Variants in ZC3H12B observed in about 807,000 individuals in gnomAD.
ZC3H12B encodes probable ribonuclease ZC3H12B.
Under a neutral mutation model 43.9 loss-of-function variants are expected in ZC3H12B, and 7 were observed. The ratio of observed to expected loss-of-function variants is 0.16; its 90% CI spans 0.09 to 0.30. The LOEUF is 0.30. Ranked by LOEUF, ZC3H12B falls within the 10% of genes least tolerant of loss-of-function variation. The pLI is 1.00. For synonymous variants in ZC3H12B, 222 were observed against 241.7 expected, an observed-to-expected ratio of 0.92 and a Z score of 0.76; for missense variants, 475 against 670.2, an observed-to-expected ratio of 0.71 and a Z score of 3.22.
the ZC3H12B span, among the ~76,000 whole-genome samples, chrX:65,041,503 T>C: frequency 1.8e-5 from 2 of 112,213 alleles, no homozygotes; most frequent in East Asian, 5.6e-4. Context: ...ATTAACTGTA[T>C]TGGGCTGTTT....
the ZC3H12B span, among the ~76,000 whole-genome samples, chrX:65,336,990 G>A: frequency 3.6e-5 from 4 of 112,308 alleles, no homozygotes; most frequent in Admixed American, 9.4e-5. Context: ...GAGAAGGGGG[G>A]CCTCCACCCC....
intron 4 of ZC3H12B, 75 bp downstream of exon 9, chrX:65,500,064 G>C (rs987461680): frequency 3.6e-6 from 3 of 837,186 alleles, no homozygotes; most frequent in Non-Finnish European, 1.7e-6. Flanking sequence ...TTCTCTTCCA[G>C]GTTTCCCTTT....
At chrX:65,036,810 GA>G in the ZC3H12B span, among the ~76,000 whole-genome samples, 1 of 109,930 alleles carries the variant, frequency 9.1e-6, no homozygotes, top group Non-Finnish European at 1.9e-5. Context: ...CATACTTAGA[GA>G]ACCCTGCAGT....
the ZC3H12B span, among the ~76,000 whole-genome samples, chrX:65,207,598 A>G: frequency 9.1e-6 from 1 of 109,725 alleles, no homozygotes; most frequent in Non-Finnish European, 1.9e-5. Flanking sequence ...ACTTTTGAGA[A>G]GTCAGGTAGT....
the ZC3H12B span, among the ~76,000 whole-genome samples, chrX:65,079,018 C>A: frequency 8.9e-6 from 1 of 111,869 alleles, no homozygotes; most frequent in African/African-American, 3.3e-5. Context: ...TCCCCAAAAA[C>A]CCCTACTACC....
At chrX:65,108,248 C>A in the ZC3H12B span, among the ~76,000 whole-genome samples, 9 of 110,873 alleles carry the variant, frequency 8.1e-5, no homozygotes, top group African/African-American at 2.9e-4. Flanking sequence ...AATAAATTAA[C>A]CTTTGCTTAC....
the ZC3H12B span, among the ~76,000 whole-genome samples, chrX:65,211,261 G>C: frequency 9.2e-6 from 1 of 108,875 alleles, no homozygotes; most frequent in Non-Finnish European, 1.9e-5. Context: ...TAGGTTGCCT[G>C]TTCACTCAGA....
intron 1 of ZC3H12B, among the ~76,000 whole-genome samples, chrX:65,491,212 C>T (rs1016080868): frequency 3.6e-5 from 4 of 111,705 alleles, no homozygotes; most frequent in Admixed American, 1.9e-4. Context: ...GATTCTTTTA[C>T]GTATGTGAAT....
chrX:65,093,927 GACCTGTA>G, the ZC3H12B span, among the ~76,000 whole-genome samples: 1 of 111,058 alleles, frequency 9.0e-6, no homozygotes, highest in Non-Finnish European at 1.9e-5. Context: ...GTATGGTTTG[GACCTGTA>G]TCCCCACCCA....
At chrX:65,263,446 G>T in the ZC3H12B span, among the ~76,000 whole-genome samples, 3 of 110,439 alleles carry the variant, frequency 2.7e-5, no homozygotes, top group African/African-American at 9.8e-5. Context: ...CAAACAGCAT[G>T]AAAAAAGTCT....
the ZC3H12B span, among the ~76,000 whole-genome samples, chrX:65,282,306 A>G: frequency 9.0e-6 from 1 of 111,183 alleles, no homozygotes; most frequent in African/African-American, 3.3e-5. Flanking sequence ...AACCAACAAA[A>G]AAAAGAAAAC....
chrX:65,262,955 T>G, the ZC3H12B span, among the ~76,000 whole-genome samples: 2 of 110,818 alleles, frequency 1.8e-5, no homozygotes, highest in African/African-American at 6.5e-5. Flanking sequence ...CTACATAGTT[T>G]GTAAAATATT....
chrX:65,462,790 C>A (rs1421918360), intron 3 of ZC3H12B, among the ~76,000 whole-genome samples: 1 of 112,048 alleles, frequency 8.9e-6, no homozygotes, highest in Non-Finnish European at 1.9e-5. Flanking sequence ...GAAAACACAT[C>A]ATTCTACCAA....
the ZC3H12B span, among the ~76,000 whole-genome samples, chrX:65,215,998 G>T: frequency 9.0e-6 from 1 of 111,652 alleles, no homozygotes; most frequent in Admixed American, 9.5e-5. Context: ...TGCCACATAT[G>T]GGTGTGGTTT....
chrX:65,484,867 C>G (rs1033659849), upstream of ZC3H12B, among the ~76,000 whole-genome samples: 8 of 111,653 alleles, frequency 7.2e-5, no homozygotes, highest in Non-Finnish European at 1.3e-4. Context: ...GGAAAATTTC[C>G]CTATGCAAAC....
chrX:65,468,042 GAA>G (rs894498069), intron 3 of ZC3H12B, among the ~76,000 whole-genome samples: 1 of 112,000 alleles, frequency 8.9e-6, no homozygotes, highest in Non-Finnish European at 1.9e-5. Flanking sequence ...CCAATGTCCA[GAA>G]GTATTTTTCC....
the ZC3H12B span, among the ~76,000 whole-genome samples, chrX:65,311,110 C>A: frequency 1.8e-5 from 2 of 111,673 alleles, no homozygotes; most frequent in East Asian, 5.6e-4. Flanking sequence ...TCTAAAACAC[C>A]AAAAGCAATG....
chrX:65,457,086 G>C (rs1416893943), intron 3 of ZC3H12B, among the ~76,000 whole-genome samples: 39 of 88,532 alleles, frequency 4.4e-4, no homozygotes, highest in African/African-American at 1.5e-3. Flanking sequence ...GAGCACCTCT[G>C]CCCCGCCGCC....
chrX:65,182,935 G>C, the ZC3H12B span, among the ~76,000 whole-genome samples: 1 of 111,851 alleles, frequency 8.9e-6, no homozygotes, highest in Non-Finnish European at 1.9e-5. Flanking sequence ...TTGCTGGCTA[G>C]GTTGTGAAAA....
Sources: gnomAD v4.1 joint callset for allele counts (sites outside exome capture counted in the v4.1 genomes callset) on GRCh38, gnomAD v4.1.1 for gene constraint, MANE v1.5 for transcripts, NCBI Gene and HGNC (gene_info 2026-07-23, HGNC 2026-07-21) for gene names.